AGRN: variants seen among roughly 807,000 people sequenced by gnomAD.
AGRN encodes agrin.
AGRN carries 106 observed loss-of-function variants against 211.0 expected under a neutral mutation model. The observed-to-expected ratio is 0.50, with a 90% CI of 0.43 to 0.59. The LOEUF (loss-of-function observed/expected upper bound fraction) is 0.59. Ranked by LOEUF, AGRN falls within the 20% of genes least tolerant of loss-of-function variation. The probability of loss-of-function intolerance (pLI) is 0.00; values close to 1 mark genes in which losing one functional copy is unlikely to be tolerated. For missense variants in AGRN, 3,040 were observed against 2,982.6 expected, an observed-to-expected ratio of 1.02 and a Z score of -0.45; for synonymous variants, 1,525 against 1,332.5, an observed-to-expected ratio of 1.14 and a Z score of -3.15.
intron 2 of AGRN, chr1:1,034,245 C>T (rs1176523226): frequency 5.2e-5 from 51 of 985,320 alleles, no homozygotes; most frequent in Non-Finnish European, 6.0e-5. Context: ...CGAGCGCTGG[C>T]GGCCAGCCCG....
chr1:1,055,216 G>T lies in AGRN; in HGVS notation c.*235G>T. ...TCAGGACACACACCCCTGCCTCAAG[G>T]TGCTGAGCCCCCGCCTTGCACTGCG... is the stretch of plus-strand genomic sequence containing the variant. On this transcript the variant is annotated 3_prime_UTR_variant, in exon 36 of 36. Transcript: ENST00000379370. 1.5e-6 allele frequency: 1 copy of T among 647,748 alleles called. No individual in the cohort carries two copies. The highest frequency in any genetic ancestry group is 2.7e-6 in the Non-Finnish European group (1 of 375,574). 40.1% of individuals were successfully genotyped at this position (647,748 alleles called of 1,614,324 possible). A position where few individuals can be genotyped will look rare whatever the true frequency, so the allele number is the denominator to read the frequency against.
In AGRN at chr1:1,046,151, C is replaced by T. The variant is rs779600638; in HGVS notation, c.2806-9C>T. 2 of 1,613,948 alleles carry T rather than the reference C, an allele frequency of 1.2e-6. No individual in the cohort carries two copies. Among genetic ancestry groups the T allele is most frequent in the Admixed American group, 1.7e-5 (1 of 60,024 alleles). On this transcript the variant is annotated splice_polypyrimidine_tract_variant and intron_variant, in intron 16 of 35. Transcript: ENST00000379370. ...GCCTCGCCTTGAACATCCTTGTTCT[C>T]TGCCCCAGGTCTGTGGGTCAGATGG... is the stretch of plus-strand genomic sequence containing the variant.
intron 3 of AGRN, among the ~76,000 whole-genome samples, chr1:1,038,283 T>TG (rs1326666591): frequency 2.6e-5 from 4 of 152,204 alleles, no homozygotes; most frequent in East Asian, 1.9e-4. Context: ...CAGATGGGGA[T>TG]GGGGAGCCAG....
At chr1:1,028,066 T>C (rs967489533) in intron 2 of AGRN, among the ~76,000 whole-genome samples, 17 of 152,050 alleles carry the variant, frequency 1.1e-4, no homozygotes, top group Non-Finnish European at 2.2e-4. Context: ...GATTTCATCA[T>C]CAGTGCCTTC....
At chr1:1,036,380 T>C (rs1038462730) in intron 3 of AGRN, among the ~76,000 whole-genome samples, 1 of 151,618 alleles carries the variant, frequency 6.6e-6, no homozygotes, top group Non-Finnish European at 1.5e-5. Flanking sequence ...TCCCTCGGAG[T>C]GTGGAGTTTA....
intron 3 of AGRN, among the ~76,000 whole-genome samples, chr1:1,039,877 A>G (rs1557698653): frequency 6.6e-6 from 1 of 151,718 alleles, no homozygotes. Context: ...AGGCTGCAGA[A>G]GGGCACAGGC....
Position 1,031,827 on chromosome 1 carries a change from C to T in AGRN, c.464-3450C>T, listed in dbSNP as rs187433921. ...CATGGCTGAAGGTGGTGGCAGCAGG[C>T]GGGCTGGCGCGTGACCTGGTAGCAC... On this transcript the variant is annotated intron_variant, in intron 2 of 35. Transcript: ENST00000379370. The surrounding 1 kb of genome is among the most constrained non-coding windows in gnomAD (Gnocchi z 4.8). Among the ~76,000 whole-genome samples, 41 of 152,342 alleles carry T rather than the reference C, an allele frequency of 2.7e-4. No homozygotes were observed. The highest frequency in any genetic ancestry group is 9.6e-4 in the African/African-American group (40 of 41,580).
chr1:1,022,885 G>A (rs1032523563), intron 2 of AGRN, among the ~76,000 whole-genome samples: 7 of 152,254 alleles, frequency 4.6e-5, no homozygotes, highest in South Asian at 2.1e-4. Flanking sequence ...GCGGGAGGGC[G>A]AGGCTGTGCG....
rs116521456 is a variant in AGRN at position 1,027,021 on chromosome 1, G to A, written c.463+4559G>A. Among the ~76,000 whole-genome samples, 1,166 of 152,232 alleles carry A rather than the reference G, an allele frequency of 7.7e-3. 14 individuals are homozygous for A. Among genetic ancestry groups the A allele is most frequent in the African/African-American group, 0.027 (1,110 of 41,542 alleles). ...CTGCAGCACTGAGGGAAGCCCCCCC[G>A]AAGGGGCCTCTCCCCCCAGCACAGA... On this transcript the variant is annotated intron_variant, in intron 2 of 35. Transcript: ENST00000379370.
chr1:1,035,513 G>A (rs1435001940), intron 3 of AGRN, among the ~76,000 whole-genome samples, 189 bp downstream of exon 3: 1 of 152,232 alleles, frequency 6.6e-6, no homozygotes, highest in Non-Finnish European at 1.5e-5. Flanking sequence ...TCTAGAGGCC[G>A]CCGCCTGACG....
At chr1:1,044,549 ATTGTG>A (rs1253329836) in intron 12 of AGRN, 110 bp downstream of exon 12, 2 of 1,165,574 alleles carry the variant, frequency 1.7e-6, no homozygotes, top group African/African-American at 1.5e-5. Context: ...GGACGTGTGT[ATTGTG>A]TTGTAAGTGA....
Position 1,046,802 on chromosome 1 carries a change from CAG to C in AGRN, c.3251-15_3251-14del, listed in dbSNP as rs1480901839. ...GAGAGGCTCCACCAGAGCCTGGGCT[CAG>C]AGCGCGTCTCCCCAGGGCTCGAGCC... is the stretch of plus-strand genomic sequence containing the variant. On this transcript the variant is annotated splice_polypyrimidine_tract_variant and intron_variant, in intron 18 of 35. Transcript: ENST00000379370. The C allele has an allele frequency of 1.9e-6, 3 of 1,576,188 alleles. No individual in the cohort carries two copies. Among genetic ancestry groups the C allele is most frequent in the Non-Finnish European group, 2.6e-6 (3 of 1,166,702 alleles).
chr1:1,041,482 C>T lies in AGRN; in HGVS notation c.957C>T (p.Pro319=), dbSNP rs754140710. The part of the protein sequence containing the change: ...VFKKFDGPCD[P]CQGALPDPSR... ...ACTCCTGCCCTCGACCCCCAGACCC[C>T]TGTCAGGGCGCCCTCCCTGACCCGA... The change falls in exon 6 of 36, where the codon CCC becomes CCT. Residue 319 remains proline (P), a synonymous_variant. Coordinates refer to ENST00000379370, the MANE Select transcript of AGRN (RefSeq NM_198576.4). 4.4e-6 allele frequency: 7 copies of T among 1,592,666 alleles called. No individual in the cohort carries two copies. Among genetic ancestry groups the T allele is most frequent in the East Asian group, 2.3e-5 (1 of 44,396 alleles).
intron 2 of AGRN, 133 bp downstream of exon 2, chr1:1,022,595 C>G: frequency 5.0e-5 from 1 of 19,960 alleles, no homozygotes; most frequent in Non-Finnish European, 1.6e-4. Context: ...TCTTGTGGTC[C>G]AACCTCATTC....
At position 1,035,407 on chromosome 1, in the gene AGRN, C is replaced by T. The variant is rs544867963; in HGVS notation, c.511+83C>T. 3.8e-5 allele frequency: 59 copies of T among 1,542,158 alleles called. 1 individual carries two copies. Among genetic ancestry groups the T allele is most frequent in the Non-Finnish European group, 4.8e-5 (54 of 1,115,762 alleles). On this transcript the variant is annotated intron_variant, in intron 3 of 35. Coordinates refer to ENST00000379370, the MANE Select transcript of AGRN (RefSeq NM_198576.4). ...GGCCATTTGGAGGTGTGCACCCAGACGTGTGGAGTGTGTCTGGAGTGAGGA... is the reference window on the plus strand; with the variant it reads ...GGCCATTTGGAGGTGTGCACCCAGATGTGTGGAGTGTGTCTGGAGTGAGGA...
chr1:1,051,565 A>T lies in AGRN; in HGVS notation c.5483A>T (p.Asn1828Ile). Reference protein sequence around the residue: ...CTRASGHPCLNGASCVPREAA... With the variant: ...CTRASGHPCLIGASCVPREAA... Reference sequence around the variant, plus strand: ...CGGGCCTCAGGCCACCCCTGCCTCAATGGGGCCTCCTGCGTCCCGAGGGAG... The same window carrying T: ...CGGGCCTCAGGCCACCCCTGCCTCATTGGGGCCTCCTGCGTCCCGAGGGAG... Residue 1828 changes from asparagine (N) to isoleucine (I), a missense_variant, in exon 32 of 36, where the codon AAT (asparagine) becomes ATT (isoleucine). By Grantham distance (149) the Asn-to-Ile change is moderately radical. This residue lies in a region of AGRN where 1,537 missense variants were observed against 1,505.0 expected (regional missense o/e 1.02). Coordinates refer to ENST00000379370, the MANE Select transcript of AGRN (RefSeq NM_198576.4). 1 of 1,589,708 alleles carries T rather than the reference A, an allele frequency of 6.3e-7. No individual in the cohort carries two copies. The highest frequency in any genetic ancestry group is 1.3e-5 in the African/African-American group (1 of 74,642).
intron 13 of AGRN, 40 bp downstream of exon 13, chr1:1,045,317 G>T: frequency 6.2e-7 from 1 of 1,612,104 alleles, no homozygotes; most frequent in Non-Finnish European, 8.5e-7. Context: ...GGCCTGGTGC[G>T]GCTGTGCGGC....
Position 1,040,828 on chromosome 1 carries a change from G to A in AGRN, c.675G>A (p.Arg225=), listed in dbSNP as rs922712578. The change falls in exon 4 of 36, where the codon CGG becomes CGA. Residue 225 remains arginine (R), a synonymous_variant. Coordinates refer to ENST00000379370, the MANE Select transcript of AGRN (RefSeq NM_198576.4). ...ACAGCAACGAATGCGAGCTGCAGCGGGCGCAGTGCAGCCAGCAGCGCCGCA... is the reference window on the plus strand; with the variant it reads ...ACAGCAACGAATGCGAGCTGCAGCGAGCGCAGTGCAGCCAGCAGCGCCGCA... ...STYSNECELQ[R]AQCSQQRRIR... 2.3e-5 allele frequency: 35 copies of A among 1,536,638 alleles called. No homozygotes were observed. The highest frequency in any genetic ancestry group is 4.1e-5 in the African/African-American group (3 of 72,682).
At chr1:1,037,393 A>G (rs965926512) in intron 3 of AGRN, among the ~76,000 whole-genome samples, 1 of 152,122 alleles carries the variant, frequency 6.6e-6, no homozygotes, top group Admixed American at 6.5e-5. Flanking sequence ...CACCAAGGCC[A>G]TCGTGACCCA....
Sources: allele counts gnomAD v4.1 joint callset (sites outside exome capture counted in the v4.1 genomes callset), GRCh38; gene constraint gnomAD v4.1.1; regional missense constraint gnomAD v4.1.1; non-coding constraint Gnocchi (gnomAD v3.1); transcripts MANE v1.5; gene names NCBI Gene and HGNC (gene_info 2026-07-23, HGNC 2026-07-21).